OPCML: variants seen among roughly 807,000 people sequenced by gnomAD.
OPCML encodes opioid-binding protein/cell adhesion molecule.
A neutral mutation model predicts 37.8 loss-of-function variants in OPCML; 13 were observed. That is an observed-to-expected ratio of 0.34 (90% CI 0.22 to 0.55). OPCML has a LOEUF of 0.55. Among genes scored for constraint, OPCML ranks in the 20% least tolerant of loss-of-function variants. The pLI, the probability that OPCML is intolerant of heterozygous loss-of-function variation, is 0.91. For missense variants in OPCML, 341 were observed against 435.6 expected, an observed-to-expected ratio of 0.78 and a Z score of 1.93; for synonymous variants, 176 against 168.8, an observed-to-expected ratio of 1.04 and a Z score of -0.33.
intron 1 of OPCML, chr11:133,007,499 T>C: frequency 1.0e-6 from 1 of 985,456 alleles, no homozygotes; most frequent in Non-Finnish European, 1.2e-6. Flanking sequence ...AACCTGTCCT[T>C]AGACAGAATC....
chr11:132,969,489 A>C (rs1946291566), intron 1 of OPCML, among the ~76,000 whole-genome samples: 1 of 152,108 alleles, frequency 6.6e-6, no homozygotes, highest in South Asian at 2.1e-4. Context: ...TGAAATTCTC[A>C]ACTTTAAATA....
At chr11:133,096,570 T>C (rs1436432107) in intron 1 of OPCML, among the ~76,000 whole-genome samples, 1 of 151,962 alleles carries the variant, frequency 6.6e-6, no homozygotes, top group Non-Finnish European at 1.5e-5. Flanking sequence ...TCTGAAAACA[T>C]CGATTAAAAC....
intron 1 of OPCML, among the ~76,000 whole-genome samples, chr11:133,499,395 A>T (rs1170888940): frequency 6.6e-6 from 1 of 152,228 alleles, no homozygotes; most frequent in African/African-American, 2.4e-5. Context: ...AACATCTGTT[A>T]CATTTCCAAT....
Position 133,439,488 on chromosome 11 carries a change from G to A in OPCML, c.61+92776C>T, listed in dbSNP as rs1220340457. ...TGTTTTTGTTTTTTTTCTTTTTTGA[G>A]ATGGAGTCTCACTCTGTCGCCCAGG... On this transcript the variant is annotated intron_variant, in intron 1 of 7. Transcript: ENST00000524381. 6 of 969,166 alleles carry A rather than the reference G, an allele frequency of 6.2e-6. No homozygotes were observed. The South Asian group carries it at 1.9e-4, about 31-fold the overall frequency. 60.0% of individuals were successfully genotyped at this position (969,166 alleles called of 1,614,324 possible). A position where few individuals can be genotyped will look rare whatever the true frequency, so the allele number is the denominator to read the frequency against.
At chr11:132,980,679 C>T (rs1222460521) in intron 1 of OPCML, among the ~76,000 whole-genome samples, 3 of 152,142 alleles carry the variant, frequency 2.0e-5, no homozygotes, top group South Asian at 2.1e-4. Flanking sequence ...CATTCTCCCT[C>T]GGTGGTTTCC....
At chr11:132,889,419 G>T (rs1036533667) in intron 2 of OPCML, among the ~76,000 whole-genome samples, 3 of 152,138 alleles carry the variant, frequency 2.0e-5, no homozygotes, top group Non-Finnish European at 4.4e-5. Flanking sequence ...TTCTAAATTT[G>T]CATCCACAAT....
intron 1 of OPCML, among the ~76,000 whole-genome samples, chr11:133,434,427 A>G (rs542328448): frequency 8.0e-5 from 12 of 149,922 alleles, no homozygotes; most frequent in African/African-American, 3.0e-4. Flanking sequence ...AATATATATC[A>G]GACCTTGCTC....
intron 1 of OPCML, among the ~76,000 whole-genome samples, chr11:133,137,986 A>AC (rs1163094366): frequency 6.6e-6 from 1 of 152,104 alleles, no homozygotes; most frequent in Non-Finnish European, 1.5e-5. Context: ...AATGTGCTTT[A>AC]CCCCCATCAA....
chr11:133,148,198 C>T (rs1949925044), intron 1 of OPCML, among the ~76,000 whole-genome samples: 1 of 152,198 alleles, frequency 6.6e-6, no homozygotes, highest in African/African-American at 2.4e-5. Context: ...CTCCCATTTC[C>T]TCTACTGCTC....
At chr11:133,000,897 G>A (rs557857814) in intron 1 of OPCML, among the ~76,000 whole-genome samples, 10 of 152,104 alleles carry the variant, frequency 6.6e-5, no homozygotes, top group Non-Finnish European at 7.3e-5. Context: ...AGTCCTTCTC[G>A]TATGGTTTCC....
At chr11:133,383,121 CCCCT>C (rs965432149) in intron 1 of OPCML, among the ~76,000 whole-genome samples, 2 of 152,116 alleles carry the variant, frequency 1.3e-5, no homozygotes. Context: ...GCTATCTCTA[CCCCT>C]CCCTCCCTTT....
At position 132,744,539 on chromosome 11, in the gene OPCML, C is replaced by T. The variant is rs1242280237; in HGVS notation, c.147-87220G>A. Among the ~76,000 whole-genome samples, 4 of 152,122 alleles carry T rather than the reference C, an allele frequency of 2.6e-5. No individual in the cohort carries two copies. In the South Asian group the frequency reaches 8.3e-4, roughly 31 times the overall value. The stretch of plus-strand genomic sequence containing the variant: ...TGCTGTAAGCATTGATACAGAGAGC[C>T]AAATTGAAGGTCTCAATACTCATCT... On this transcript the variant is annotated intron_variant, in intron 2 of 7. Coordinates refer to ENST00000524381, the MANE Select transcript of OPCML (RefSeq NM_001012393.5).
intron 2 of OPCML, among the ~76,000 whole-genome samples, chr11:132,776,653 G>C (rs1295234131): frequency 6.6e-6 from 1 of 151,994 alleles, no homozygotes; most frequent in African/African-American, 2.4e-5. Flanking sequence ...AGCTCCCTGA[G>C]GCCTCACCAG....
chr11:132,560,838 G>A (rs746160998), intron 3 of OPCML, among the ~76,000 whole-genome samples: 3 of 152,128 alleles, frequency 2.0e-5, no homozygotes, highest in Non-Finnish European at 4.4e-5. Flanking sequence ...TGTATACATT[G>A]TGAAGATTTT....
intron 2 of OPCML, among the ~76,000 whole-genome samples, chr11:132,863,368 G>A (rs879534570): frequency 1.3e-5 from 2 of 152,170 alleles, no homozygotes; most frequent in African/African-American, 2.4e-5. Flanking sequence ...CAGTGAGGAC[G>A]TGTGTGAATA....
At chr11:133,180,625 G>T (rs1443243009) in intron 1 of OPCML, among the ~76,000 whole-genome samples, 1 of 152,104 alleles carries the variant, frequency 6.6e-6, no homozygotes. Flanking sequence ...TGGAGTTCAG[G>T]CTAGAAGGGA....
intron 4 of OPCML, among the ~76,000 whole-genome samples, chr11:132,452,387 C>T (rs920499091): frequency 1.6e-4 from 24 of 152,248 alleles, no homozygotes; most frequent in East Asian, 7.8e-4. Flanking sequence ...TCATTTCCCA[C>T]GATCTCCAAG....
chr11:133,021,302 T>C (rs1947445431), intron 1 of OPCML, among the ~76,000 whole-genome samples: 1 of 152,092 alleles, frequency 6.6e-6, no homozygotes, highest in Admixed American at 6.5e-5. Flanking sequence ...AACTCCTAAG[T>C]CCAGACAGGA....
At chr11:132,956,437 C>A (rs1472701205) in intron 1 of OPCML, among the ~76,000 whole-genome samples, 1 of 152,164 alleles carries the variant, frequency 6.6e-6, no homozygotes, top group Non-Finnish European at 1.5e-5. Flanking sequence ...CATGATAGTG[C>A]CCCGCCTTTA....
Sources: gnomAD v4.1 joint callset for allele counts (sites outside exome capture counted in the v4.1 genomes callset) on GRCh38, gnomAD v4.1.1 for gene constraint, MANE v1.5 for transcripts, NCBI Gene and HGNC (gene_info 2026-07-23, HGNC 2026-07-21) for gene names.